Variants in CFI observed in about 807,000 individuals in gnomAD.
The protein encoded by CFI is C3B/C4B inactivator.
Under a neutral mutation model 78.8 loss-of-function variants are expected in CFI, and 66 were observed. The observed-to-expected ratio is 0.84, with a 90% CI of 0.69 to 1.03. The LOEUF is 1.03. Ranked by LOEUF, CFI falls within the 50% of genes least tolerant of loss-of-function variation. The pLI is 0.00. For synonymous variants in CFI, 250 were observed against 232.6 expected, an observed-to-expected ratio of 1.07 and a Z score of -0.68; for missense variants, 706 against 704.5, an observed-to-expected ratio of 1.00 and a Z score of -0.02.
In CFI at chr4:109,743,651, T is replaced by C. The variant is rs561070231; in HGVS notation, c.1430-1056A>G. Among the ~76,000 whole-genome samples the C allele has an allele frequency of 6.6e-5, 10 of 152,294 alleles. No individual in the cohort carries two copies. The South Asian group carries it at 2.1e-3, about 32-fold the overall frequency. On this transcript the variant is annotated intron_variant, in intron 11 of 12. Coordinates refer to ENST00000394634, the MANE Select transcript of CFI (RefSeq NM_000204.5). ...AATAAATGTGTTAAACCTTTGATCATTGATTAAGGACATATCTAACTATCA... is the reference window on the plus strand; with the variant it reads ...AATAAATGTGTTAAACCTTTGATCACTGATTAAGGACATATCTAACTATCA...
chr4:109,755,534 C>G (rs566475588), intron 7 of CFI, among the ~76,000 whole-genome samples: 2 of 151,992 alleles, frequency 1.3e-5, no homozygotes, highest in African/African-American at 2.4e-5. Flanking sequence ...AGATTAATGT[C>G]GTTATCTCAG....
intron 7 of CFI, among the ~76,000 whole-genome samples, chr4:109,757,224 T>C (rs1437663381): frequency 2.0e-5 from 3 of 151,452 alleles, no homozygotes; most frequent in African/African-American, 4.9e-5. Flanking sequence ...TTAGTAGAGA[T>C]GGGGTTTCAC....
At chr4:109,749,433 G>T in intron 9 of CFI, 66 bp downstream of exon 9, 3 of 1,481,472 alleles carry the variant, frequency 2.0e-6, no homozygotes, top group South Asian at 1.1e-5. Flanking sequence ...TCATCCTCCT[G>T]CCCCTTTCCC....
At position 109,742,538 on chromosome 4, in the gene CFI, G is replaced by A; in HGVS notation, c.1487C>T (p.Ser496Phe). 1 of 1,613,802 alleles carries A rather than the reference G, an allele frequency of 6.2e-7. No homozygotes were observed. The highest frequency in any genetic ancestry group is 8.5e-7 in the Non-Finnish European group (1 of 1,179,770). Residue 496 changes from serine (S) to phenylalanine (F), a missense_variant, in exon 12 of 13, where the codon TCT becomes TTT. Transcript: ENST00000394634. ...ATAGAAACGATTTCCGTAAAACTTA[G>A]AGCAGTTGCTTATTAGTTTAACTTC... ...WGEVKLISNCSKFYGNRFYEK... is the reference protein window; with the variant it reads ...WGEVKLISNCFKFYGNRFYEK...
chr4:109,776,045 A>G (rs573661428), intron 1 of CFI, among the ~76,000 whole-genome samples: 22 of 152,186 alleles, frequency 1.4e-4, no homozygotes, highest in Non-Finnish European at 2.8e-4. Context: ...ACCAGAGAAG[A>G]AAAGCTGAAA....
At chr4:109,778,182 A>G (rs926870556) in intron 1 of CFI, among the ~76,000 whole-genome samples, 3 of 152,222 alleles carry the variant, frequency 2.0e-5, no homozygotes, top group African/African-American at 4.8e-5. Context: ...CAAAAAATCA[A>G]TGAATCCAGG....
At chr4:109,796,569 T>C (rs544650916) in intron 1 of CFI, among the ~76,000 whole-genome samples, 1 of 152,280 alleles carries the variant, frequency 6.6e-6, no homozygotes, top group African/African-American at 2.4e-5. Context: ...TGAGAGGCCA[T>C]GGTGGGAGGA....
At chr4:109,769,569 A>G (rs1294255342) in intron 1 of CFI, among the ~76,000 whole-genome samples, 3 of 151,838 alleles carry the variant, frequency 2.0e-5, no homozygotes, top group Non-Finnish European at 4.4e-5. Context: ...GTTAGAGCCA[A>G]CTCTCTCATG....
intron 8 of CFI, among the ~76,000 whole-genome samples, chr4:109,750,568 G>A (rs774493494): frequency 5.3e-5 from 8 of 151,994 alleles, no homozygotes; most frequent in Non-Finnish European, 8.8e-5. Flanking sequence ...GACGTCTGGC[G>A]CATTTGTCAT....
At chr4:109,732,949 C>G in the CFI span, among the ~76,000 whole-genome samples, 3 of 151,790 alleles carry the variant, frequency 2.0e-5, no homozygotes, top group African/African-American at 7.3e-5. Flanking sequence ...TGCCACTACA[C>G]AGGATGCATG....
chr4:109,764,130 AACTGTATAGTTTATACTC>A (rs1400444613), intron 3 of CFI, among the ~76,000 whole-genome samples: 10 of 150,876 alleles, frequency 6.6e-5, no homozygotes, highest in African/African-American at 1.9e-4. Context: ...TTTATACTAT[AACTGTATAGTTTATACTC>A]ACTGTATAGT....
At position 109,764,587 on chromosome 4, in the gene CFI, G is replaced by T; in HGVS notation, c.432C>A (p.Ser144Arg). The T allele has an allele frequency of 6.2e-7, 1 of 1,614,100 alleles. No homozygotes were observed. The highest frequency in any genetic ancestry group is 8.5e-7 in the Non-Finnish European group (1 of 1,180,010). ...CCACGTTGGCTTCCCTCATGCTCCA[G>T]CTGCTTTTGCATATGAACATTGTCT... ...QDKTMFICKS[S>R]WSMREANVAC... The change falls in exon 3 of 13, where the codon AGC becomes AGA. Residue 144 changes from serine (S) to arginine (R), a missense_variant. Transcript: ENST00000394634.
chr4:109,749,415 T>C (rs909932318), intron 9 of CFI, 84 bp downstream of exon 9: 61 of 1,483,508 alleles, frequency 4.1e-5, no homozygotes, highest in Non-Finnish European at 7.5e-6. Flanking sequence ...CAGTCTCTTA[T>C]AATTACATCA....
chr4:109,798,783 T>G (rs1452677266), intron 1 of CFI, among the ~76,000 whole-genome samples: 1 of 151,790 alleles, frequency 6.6e-6, no homozygotes, highest in African/African-American at 2.4e-5. Flanking sequence ...TCTAAACTAC[T>G]TTTGGCAAGT....
At chr4:109,757,812 C>A in intron 6 of CFI, 29 bp from the exon 7 acceptor site, 1 of 1,328,020 alleles carries the variant, frequency 7.5e-7, no homozygotes, top group South Asian at 1.2e-5. Context: ...AAAAATTTAT[C>A]AAAGGATAAT....
chr4:109,795,825 T>C (rs1731987612), intron 1 of CFI, among the ~76,000 whole-genome samples: 1 of 151,640 alleles, frequency 6.6e-6, no homozygotes, highest in South Asian at 2.1e-4. Flanking sequence ...AGGAACAAAA[T>C]GAAAAAGTAT....
chr4:109,768,893 T>TACACAC (rs34247569), intron 1 of CFI, among the ~76,000 whole-genome samples: 4 of 150,850 alleles, frequency 2.7e-5, no homozygotes, highest in African/African-American at 4.9e-5. Flanking sequence ...CAAATAGCTT[T>TACACAC]ACACACACAC....
chr4:109,782,457 A>G (rs1214242448), intron 1 of CFI, among the ~76,000 whole-genome samples: 2 of 150,254 alleles, frequency 1.3e-5, no homozygotes, highest in African/African-American at 4.9e-5. Flanking sequence ...ACTTAGGAAT[A>G]TACCTAACCA....
At chr4:109,785,538 C>T (rs558854636) in intron 1 of CFI, among the ~76,000 whole-genome samples, 17 of 152,092 alleles carry the variant, frequency 1.1e-4, no homozygotes, top group South Asian at 1.0e-3. Flanking sequence ...GCTCTCCACC[C>T]GCCCTCCCCA....
Sources: gnomAD v4.1 joint callset for allele counts (sites outside exome capture counted in the v4.1 genomes callset) on GRCh38, gnomAD v4.1.1 for gene constraint, MANE v1.5 for transcripts, NCBI Gene and HGNC (gene_info 2026-07-23, HGNC 2026-07-21) for gene names.